The following XXYLT1 variants were observed in gnomAD, a reference collection of about 807,000 sequenced individuals.
XXYLT1 encodes the protein xyloside xylosyltransferase 1, also known as UDP-xylose:alpha-xyloside alpha-1,3-xylosyltransferase.
A neutral mutation model predicts 28.9 loss-of-function variants in XXYLT1; 20 were observed. The observed-to-expected ratio is 0.69, with a 90% CI of 0.49 to 1.00. The LOEUF is 1.00. Among genes scored for constraint, XXYLT1 ranks in the 50% least tolerant of loss-of-function variants. XXYLT1 has a pLI of 0.00. For missense variants in XXYLT1, 542 were observed against 560.1 expected, an observed-to-expected ratio of 0.97 and a Z score of 0.33; for synonymous variants, 257 against 253.8, an observed-to-expected ratio of 1.01 and a Z score of -0.12.
At chr3:195,082,003 A>G (rs1715461797) in intron 3 of XXYLT1, among the ~76,000 whole-genome samples, 1 of 152,248 alleles carries the variant, frequency 6.6e-6, no homozygotes, top group Non-Finnish European at 1.5e-5. Flanking sequence ...GGGGGCGATC[A>G]CTGAACTCCA....
chr3:195,238,372 C>T (rs1724640826), intron 1 of XXYLT1, among the ~76,000 whole-genome samples: 1 of 152,192 alleles, frequency 6.6e-6, no homozygotes, highest in South Asian at 2.1e-4. Context: ...CTTCCTAACA[C>T]CCTGCATCGC....
chr3:195,243,602 T>C (rs930548751), intron 1 of XXYLT1, among the ~76,000 whole-genome samples: 6 of 152,164 alleles, frequency 3.9e-5, no homozygotes, highest in Admixed American at 1.3e-4. Context: ...CACAGGTCTA[T>C]TGATCTCTCT....
At position 195,209,334 on chromosome 3, in the gene XXYLT1, C is replaced by T. The variant is rs1209409357; in HGVS notation, c.652+17375G>A. 1.3e-5 allele frequency: 2 copies of T among 152,350 alleles called. No individual in the cohort carries two copies. The highest frequency in any genetic ancestry group is 1.3e-4 in the Admixed American group (2 of 15,296). 9.4% of individuals were successfully genotyped at this position (152,350 alleles called of 1,614,324 possible). ...AGTGCCACACCCGCTGGACCCCACTCACGTGGTGGAGTCACTCCGCTGCTG... is the reference window on the plus strand; with the variant it reads ...AGTGCCACACCCGCTGGACCCCACTTACGTGGTGGAGTCACTCCGCTGCTG... On this transcript the variant is annotated intron_variant, in intron 2 of 3. Coordinates refer to ENST00000310380, the MANE Select transcript of XXYLT1 (RefSeq NM_152531.5). The surrounding 1 kb of genome is among the most constrained non-coding windows in gnomAD (Gnocchi z 5.0).
chr3:195,212,135 AC>A lies in XXYLT1; in HGVS notation c.652+14573del, dbSNP rs553191480. 5.5e-5 allele frequency among the ~76,000 whole-genome samples: 7 copies of A among 126,524 alleles called. 1 individual carries two copies. The highest frequency in any genetic ancestry group is 1.5e-4 in the African/African-American group (4 of 26,746). 83.0% of individuals were successfully genotyped at this position (126,524 alleles called of 152,430 possible). A position where few individuals can be genotyped will look rare whatever the true frequency, so the allele number is the denominator to read the frequency against. Reference sequence around the variant, plus strand: ...GAGAGGGGGCAAGCCACGGAATGCCACCGGGAAGATCTGGAGGAGGAGAGGG... The same window carrying A: ...GAGAGGGGGCAAGCCACGGAATGCCACGGGAAGATCTGGAGGAGGAGAGGG... On this transcript the variant is annotated intron_variant, in intron 2 of 3. Transcript: ENST00000310380.
intron 1 of XXYLT1, chr3:195,270,018 A>G: frequency 5.2e-6 from 1 of 191,572 alleles, no homozygotes; most frequent in Non-Finnish European, 1.2e-5. Flanking sequence ...CCCTTGGAGG[A>G]AGGGGAAAAA....
At chr3:195,236,553 C>A (rs1436386997) in intron 1 of XXYLT1, among the ~76,000 whole-genome samples, 1 of 151,758 alleles carries the variant, frequency 6.6e-6, no homozygotes, top group Non-Finnish European at 1.5e-5. Flanking sequence ...AGGCCTGGAA[C>A]TGGGGACCCC....
chr3:195,168,065 A>C lies in XXYLT1; in HGVS notation c.653-11484T>G, dbSNP rs1258600755. 1.3e-5 allele frequency among the ~76,000 whole-genome samples: 2 copies of C among 152,220 alleles called. No individual in the cohort carries two copies. Among genetic ancestry groups the C allele is most frequent in the Non-Finnish European group, 2.9e-5 (2 of 68,050 alleles). On this transcript the variant is annotated intron_variant, in intron 2 of 3. Coordinates refer to ENST00000310380, the MANE Select transcript of XXYLT1 (RefSeq NM_152531.5). The surrounding 1 kb of genome is among the most constrained non-coding windows in gnomAD (Gnocchi z 4.3). The stretch of plus-strand genomic sequence containing the variant: ...GCTCTCCATTATTTCACAAAATATG[A>C]ACTGAGGGATTTTAGGCAAGCGTGA...
intron 3 of XXYLT1, among the ~76,000 whole-genome samples, chr3:195,091,053 A>T (rs998966770): frequency 6.7e-6 from 1 of 150,270 alleles, no homozygotes; most frequent in Admixed American, 6.6e-5. Flanking sequence ...CCAATCAAAA[A>T]GAGTCCAGCA....
intron 2 of XXYLT1, among the ~76,000 whole-genome samples, chr3:195,208,140 G>A (rs755493940): frequency 1.8e-4 from 28 of 152,234 alleles, no homozygotes; most frequent in East Asian, 3.8e-4. Flanking sequence ...ACCGGGGGCC[G>A]TGTTAGAGGC....
intron 2 of XXYLT1, among the ~76,000 whole-genome samples, chr3:195,224,154 C>T (rs114649218): frequency 0.015 from 2,325 of 151,370 alleles, 62 homozygotes; most frequent in African/African-American, 0.052. Context: ...AGCAAAACTC[C>T]GCCTAAAAAT....
intron 1 of XXYLT1, among the ~76,000 whole-genome samples, chr3:195,258,639 G>A (rs1349237446): frequency 6.6e-6 from 1 of 152,224 alleles, no homozygotes; most frequent in Non-Finnish European, 1.5e-5. Context: ...CAGAGCCTCT[G>A]TCCAGGGCCA....
chr3:195,119,811 G>T (rs993938335), intron 3 of XXYLT1, among the ~76,000 whole-genome samples: 1 of 152,012 alleles, frequency 6.6e-6, no homozygotes, highest in African/African-American at 2.4e-5. Flanking sequence ...TTTCTCAAAG[G>T]TCCTAAGATC....
intron 3 of XXYLT1, 134 bp from the exon 4 acceptor site, chr3:195,070,245 C>T (rs1332570328): frequency 8.4e-7 from 1 of 1,187,060 alleles, no homozygotes; most frequent in South Asian, 1.6e-5. Context: ...ATCACTACAC[C>T]AGCAAGTGGC....
Position 195,270,784 on chromosome 3 carries a change from C to A in XXYLT1, c.275G>T (p.Gly92Val). Reference protein sequence around the residue: ...PGAKAKSLEGGGAGPVDYHLL... With the variant: ...PGAKAKSLEGVGAGPVDYHLL... ...GTGGTAGTCCACCGGCCCGGCACCG[C>A]CGCCCTCCAAGCTCTTGGCCTTCGC... The change falls in exon 1 of 4, where the codon GGC (glycine) becomes GTC (valine). Residue 92 changes from glycine to valine, a missense_variant. Physicochemically the swap from Gly to Val is moderately radical, Grantham distance 109. Coordinates refer to ENST00000310380, the MANE Select transcript of XXYLT1 (RefSeq NM_152531.5). 1.3e-6 allele frequency: 2 copies of A among 1,569,906 alleles called. No homozygotes were observed. Among genetic ancestry groups the A allele is most frequent in the Non-Finnish European group, 1.7e-6 (2 of 1,163,430 alleles).
chr3:195,131,724 T>C (rs571592679), intron 3 of XXYLT1, among the ~76,000 whole-genome samples: 47 of 152,324 alleles, frequency 3.1e-4, no homozygotes, highest in Admixed American at 9.8e-4. Flanking sequence ...CAAACCTCTA[T>C]GGTAAATGTT....
At chr3:195,246,237 G>A (rs1467268905) in intron 1 of XXYLT1, among the ~76,000 whole-genome samples, 1 of 152,130 alleles carries the variant, frequency 6.6e-6, no homozygotes, top group African/African-American at 2.4e-5. Flanking sequence ...ATCAAGCATC[G>A]GTCCCCAGGA....
rs545338555 is a variant in XXYLT1, at chr3:195,117,388, A to G, written c.785+39061T>C. Among the ~76,000 whole-genome samples, 3 of 152,350 alleles carry G rather than the reference A, an allele frequency of 2.0e-5. No individual in the cohort carries two copies. In the East Asian group the frequency reaches 5.8e-4, roughly 29 times the overall value. Reference sequence around the variant, plus strand: ...ATGAAATAAGAGAGGCATACCAGTGAACTTGAGGGATTTTTCTATGAAGTA... The same window carrying G: ...ATGAAATAAGAGAGGCATACCAGTGGACTTGAGGGATTTTTCTATGAAGTA... On this transcript the variant is annotated intron_variant, in intron 3 of 3. Coordinates refer to ENST00000310380, the MANE Select transcript of XXYLT1 (RefSeq NM_152531.5).
intron 3 of XXYLT1, among the ~76,000 whole-genome samples, chr3:195,110,432 C>A (rs1044486707): frequency 1.7e-4 from 15 of 86,632 alleles, no homozygotes; most frequent in African/African-American, 6.7e-4. Flanking sequence ...TGTATGTGTG[C>A]GTGTGTATGT....
chr3:195,105,982 G>T (rs79955725), intron 3 of XXYLT1, among the ~76,000 whole-genome samples: 6,036 of 152,136 alleles, frequency 0.04, 386 homozygotes, highest in African/African-American at 0.14. Context: ...TCTGATTAAT[G>T]TCGGCAGCAT....
Sources: allele counts gnomAD v4.1 joint callset (sites outside exome capture counted in the v4.1 genomes callset), GRCh38; gene constraint gnomAD v4.1.1; non-coding constraint Gnocchi (gnomAD v3.1); transcripts MANE v1.5; gene names NCBI Gene and HGNC (gene_info 2026-07-23, HGNC 2026-07-21).